Variants in CCDC7 observed in about 807,000 individuals in gnomAD.
The protein encoded by CCDC7 is coiled-coil domain containing 7.
A neutral mutation model predicts 196.9 loss-of-function variants in CCDC7; 183 were observed. That is an observed-to-expected ratio of 0.93 (90% CI 0.82 to 1.05). The LOEUF (loss-of-function observed/expected upper bound fraction) is 1.05. Among genes scored for constraint, CCDC7 ranks in the 50% least tolerant of loss-of-function variants. The pLI is 0.00. For synonymous variants in CCDC7, 525 were observed against 484.6 expected (o/e 1.08, Z -1.10); for missense variants, 1,540 against 1,482.2 (o/e 1.04, Z -0.64).
chr10:32,536,827 T>C (rs1483271879), intron 11 of CCDC7, among the ~76,000 whole-genome samples: 1 of 152,176 alleles, frequency 6.6e-6, no homozygotes, highest in Non-Finnish European at 1.5e-5. Flanking sequence ...GAGGATATTA[T>C]CTCATTATTT....
At chr10:32,822,419 A>T (rs2090412112) in intron 31 of CCDC7, among the ~76,000 whole-genome samples, 1 of 152,208 alleles carries the variant, frequency 6.6e-6, no homozygotes, top group African/African-American at 2.4e-5. Context: ...ATAAATACAG[A>T]GCAAGAATAA....
At chr10:32,804,600 T>C (rs1040739474) in intron 29 of CCDC7, among the ~76,000 whole-genome samples, 1 of 152,204 alleles carries the variant, frequency 6.6e-6, no homozygotes, top group Non-Finnish European at 1.5e-5. Context: ...AAAAAAGTTA[T>C]GTTTCGTCTT....
At chr10:32,669,732 C>T (rs2073668957) in intron 21 of CCDC7, among the ~76,000 whole-genome samples, 1 of 151,888 alleles carries the variant, frequency 6.6e-6, no homozygotes, top group Non-Finnish European at 1.5e-5. Flanking sequence ...GACAGTTCTT[C>T]TTTTATTCCT....
intron 18 of CCDC7, among the ~76,000 whole-genome samples, chr10:32,633,682 GTA>G (rs139788574): frequency 1.4e-4 from 17 of 121,762 alleles, no homozygotes; most frequent in East Asian, 4.9e-4. Flanking sequence ...TTAGCTTTGT[GTA>G]TATATATATA....
chr10:32,732,588 T>A (rs2084170077), intron 28 of CCDC7, among the ~76,000 whole-genome samples: 1 of 151,956 alleles, frequency 6.6e-6, no homozygotes, highest in Non-Finnish European at 1.5e-5. Flanking sequence ...TTTCTAAAGC[T>A]TTTTTTTATA....
intron 9 of CCDC7, among the ~76,000 whole-genome samples, chr10:32,500,004 T>C (rs1259131967): frequency 6.6e-6 from 1 of 152,214 alleles, no homozygotes; most frequent in East Asian, 1.9e-4. Context: ...TCTACTTCTT[T>C]CTACACAGAC....
In CCDC7 at chr10:32,763,599, C is replaced by T. The variant is rs923157375; in HGVS notation, c.2906-15378C>T. Among the ~76,000 whole-genome samples, 14 of 151,778 alleles carry T rather than the reference C, an allele frequency of 9.2e-5. 1 individual carries two copies. The highest frequency in any genetic ancestry group is 9.2e-4 in the Admixed American group (14 of 15,190). ...ACAACGTGTCTGTCAGTGGATGTATCGATAAAGAAATTGTGGTGTTCTCAT... is the reference window on the plus strand; with the variant it reads ...ACAACGTGTCTGTCAGTGGATGTATTGATAAAGAAATTGTGGTGTTCTCAT... On this transcript the variant is annotated intron_variant, in intron 28 of 41. Coordinates refer to ENST00000639629, the Ensembl canonical transcript of CCDC7.
At chr10:32,824,492 T>C (rs2090808682) in intron 31 of CCDC7, 26 bp from the exon 33 acceptor site, 19 of 1,494,634 alleles carry the variant, frequency 1.3e-5, no homozygotes, top group Non-Finnish European at 1.7e-5. Context: ...AAAAAAGTGT[T>C]TTGAAATCTG....
At chr10:32,824,202 T>C (rs1245985022) in intron 31 of CCDC7, among the ~76,000 whole-genome samples, 1 of 152,174 alleles carries the variant, frequency 6.6e-6, no homozygotes, top group Admixed American at 6.5e-5. Context: ...TAAATTTGCA[T>C]ATGAGATTGC....
intron 31 of CCDC7, among the ~76,000 whole-genome samples, chr10:32,817,685 A>G (rs1400723699): frequency 1.3e-5 from 2 of 152,174 alleles, no homozygotes; most frequent in African/African-American, 4.8e-5. Flanking sequence ...CCAATATTCA[A>G]CATTCTTAAA....
intron 3 of CCDC7, among the ~76,000 whole-genome samples, chr10:32,459,533 G>T (rs1013570213): frequency 2.0e-5 from 3 of 151,854 alleles, no homozygotes; most frequent in African/African-American, 4.8e-5. Context: ...TTCTCTTGTG[G>T]TGTTCAAGCC....
intron 16 of CCDC7, chr10:32,574,480 GA>G (rs2057962252): frequency 6.3e-7 from 1 of 1,576,698 alleles, no homozygotes; most frequent in Admixed American, 1.8e-5. Context: ...AACCTTCAGA[GA>G]GTGGATGGGA....
chr10:32,637,739 T>C (rs1423779317), intron 20 of CCDC7, among the ~76,000 whole-genome samples: 1 of 152,218 alleles, frequency 6.6e-6, no homozygotes, highest in Non-Finnish European at 1.5e-5. Flanking sequence ...ATATGAACTT[T>C]AAAGTAGTTT....
At chr10:32,537,546 T>A (rs959501566) in intron 11 of CCDC7, among the ~76,000 whole-genome samples, 8 of 152,226 alleles carry the variant, frequency 5.3e-5, no homozygotes, top group African/African-American at 1.9e-4. Flanking sequence ...GCTTTTGGCA[T>A]CTTTATCATG....
At chr10:32,830,121 G>GATATATATATATATATATATATATGT in intron 32 of CCDC7, among the ~76,000 whole-genome samples, 4 of 50,656 alleles carry the variant, frequency 7.9e-5, no homozygotes, top group African/African-American at 1.8e-4. Context: ...TATATATAAG[G>GATATATATATATATATATATATATGT]ATATATATAT....
Position 32,543,350 on chromosome 10 carries a change from GA to G in CCDC7, c.1050del (p.Asp351ThrfsTer20). 1.4e-6 allele frequency: 2 copies of G among 1,448,586 alleles called. No homozygotes were observed. Among genetic ancestry groups the G allele is most frequent in the Admixed American group, 2.3e-5 (1 of 44,168 alleles). 89.7% of individuals were successfully genotyped at this position (1,448,586 alleles called of 1,614,324 possible). A position where few individuals can be genotyped will look rare whatever the true frequency, so the allele number is the denominator to read the frequency against. ...CAAAGAAAGCTGTGAAAACAGTGAAGAAAAAAGACAAAGGAAAATCTGAGGA... is the reference window on the plus strand; with the variant it reads ...CAAAGAAAGCTGTGAAAACAGTGAAGAAAAAGACAAAGGAAAATCTGAGGA... On this transcript the variant is annotated frameshift_variant, in exon 12 of 42. Transcript: ENST00000639629. LOFTEE classifies it high-confidence loss of function.
intron 29 of CCDC7, among the ~76,000 whole-genome samples, chr10:32,780,203 C>G (rs979400201): frequency 2.6e-5 from 4 of 152,182 alleles, no homozygotes; most frequent in African/African-American, 9.7e-5. Flanking sequence ...CGCCACTGCA[C>G]TCCAGCCTGG....
intron 9 of CCDC7, among the ~76,000 whole-genome samples, chr10:32,514,746 A>G (rs2046764918): frequency 6.6e-6 from 1 of 152,230 alleles, no homozygotes; most frequent in African/African-American, 2.4e-5. Flanking sequence ...TGAAACTACA[A>G]AACATCATTG....
At chr10:32,835,415 A>G (rs1457790383) in intron 33 of CCDC7, among the ~76,000 whole-genome samples, 2 of 152,104 alleles carry the variant, frequency 1.3e-5, no homozygotes, top group Admixed American at 6.6e-5. Flanking sequence ...CACAATAGCA[A>G]AGACATGAAA....
Sources: allele counts gnomAD v4.1 joint callset (sites outside exome capture counted in the v4.1 genomes callset), GRCh38; gene constraint gnomAD v4.1.1; transcripts MANE v1.5; gene names NCBI Gene and HGNC (gene_info 2026-07-23, HGNC 2026-07-21).